Variants in THSD7B observed in about 807,000 individuals in gnomAD.
THSD7B encodes thrombospondin type-1 domain-containing protein 7B.
THSD7B carries 138 observed loss-of-function variants against 213.6 expected under a neutral mutation model. The ratio of observed to expected loss-of-function variants is 0.65; its 90% CI spans 0.56 to 0.74. The LOEUF is 0.74. Among genes scored for constraint, THSD7B ranks in the 30% least tolerant of loss-of-function variants. THSD7B has a pLI of 0.00. For missense variants in THSD7B, 1,931 were observed against 1,991.5 expected, an observed-to-expected ratio of 0.97 and a Z score of 0.58; for synonymous variants, 742 against 687.0, an observed-to-expected ratio of 1.08 and a Z score of -1.25.
intron 3 of THSD7B, among the ~76,000 whole-genome samples, chr2:137,065,172 G>A (rs1358731765): frequency 1.3e-5 from 2 of 151,676 alleles, no homozygotes; most frequent in Non-Finnish European, 2.9e-5. Flanking sequence ...TCCATTTTTT[G>A]TGCCCTCTTC....
intron 1 of THSD7B, among the ~76,000 whole-genome samples, chr2:136,811,339 C>A (rs2104930339): frequency 6.6e-6 from 1 of 152,186 alleles, no homozygotes; most frequent in East Asian, 1.9e-4. Flanking sequence ...AGAATAAATT[C>A]ACAGCACATG....
intron 7 of THSD7B, among the ~76,000 whole-genome samples, chr2:137,201,303 T>C (rs1030572032): frequency 5.3e-5 from 8 of 152,126 alleles, no homozygotes; most frequent in Non-Finnish European, 1.0e-4. Flanking sequence ...ACGCACCACA[T>C]TTTCATTATC....
In THSD7B at chr2:137,563,320, C is replaced by A. The variant is rs1431031275; in HGVS notation, c.3238C>A (p.Arg1080Ser). The A allele has an allele frequency of 1.2e-5, 19 of 1,613,176 alleles. No homozygotes were observed. The highest frequency in any genetic ancestry group is 1.6e-5 in the Non-Finnish European group (19 of 1,179,544). Residue 1080 changes from arginine to serine, a missense_variant, in exon 16 of 28, where the codon CGC becomes AGC. Arg to Ser is a moderately radical substitution (Grantham distance 110, BLOSUM62 -1). Coordinates refer to ENST00000409968, the MANE Select transcript of THSD7B (RefSeq NM_001316349.2). Reference protein sequence around the residue: ...CKINNELRSLRCGGGTQSRKI... With the variant: ...CKINNELRSLSCGGGTQSRKI... The stretch of plus-strand genomic sequence containing the variant: ...AATCAACAATGAGCTGAGGTCCCTG[C>A]GCTGTGGAGGAGGAACACAATCTAG...
At chr2:137,323,665 G>A (rs934427580) in intron 12 of THSD7B, among the ~76,000 whole-genome samples, 7 of 152,168 alleles carry the variant, frequency 4.6e-5, no homozygotes, top group African/African-American at 1.7e-4. Flanking sequence ...GACTAAGTGA[G>A]TGTTTAGTCT....
At chr2:136,965,865 A>G (rs1685305185) in intron 2 of THSD7B, among the ~76,000 whole-genome samples, 1 of 151,992 alleles carries the variant, frequency 6.6e-6, no homozygotes, top group African/African-American at 2.4e-5. Context: ...CCCACGTGGT[A>G]GGTGCTTAAT....
At chr2:137,120,699 C>A (rs1320844958) in intron 5 of THSD7B, among the ~76,000 whole-genome samples, 1 of 152,188 alleles carries the variant, frequency 6.6e-6, no homozygotes, top group Admixed American at 6.5e-5. Context: ...GGATCCTAGA[C>A]TCACAGATGC....
At chr2:137,369,282 A>G (rs374130563) in intron 12 of THSD7B, among the ~76,000 whole-genome samples, 145 of 152,250 alleles carry the variant, frequency 9.5e-4, no homozygotes, top group African/African-American at 3.3e-3. Context: ...GGCTGAGAAT[A>G]AAATGAGATT....
chr2:137,287,250 A>AT (rs920192041), intron 12 of THSD7B, among the ~76,000 whole-genome samples: 2 of 152,152 alleles, frequency 1.3e-5, no homozygotes, highest in African/African-American at 2.4e-5. Flanking sequence ...AAATATTATG[A>AT]TTTTTAAGTG....
At chr2:137,312,626 T>A (rs1327154766) in intron 12 of THSD7B, among the ~76,000 whole-genome samples, 1 of 151,086 alleles carries the variant, frequency 6.6e-6, no homozygotes, top group Non-Finnish European at 1.5e-5. Flanking sequence ...TCTTTCCTGC[T>A]TTCTCTTGTG....
At chr2:137,318,523 C>T (rs529162531) in intron 12 of THSD7B, among the ~76,000 whole-genome samples, 2 of 152,188 alleles carry the variant, frequency 1.3e-5, no homozygotes, top group Non-Finnish European at 2.9e-5. Context: ...TACCCTCACT[C>T]CCCCGCCCCC....
intron 2 of THSD7B, among the ~76,000 whole-genome samples, chr2:137,040,359 C>A (rs1251943480): frequency 6.6e-6 from 1 of 151,316 alleles, no homozygotes; most frequent in African/African-American, 2.4e-5. Context: ...AGCTATATTT[C>A]TTTTTCTTCT....
At chr2:137,401,964 TA>T (rs1686377203) in intron 12 of THSD7B, among the ~76,000 whole-genome samples, 1 of 152,184 alleles carries the variant, frequency 6.6e-6, no homozygotes, top group African/African-American at 2.4e-5. Flanking sequence ...ATTTTCTCCT[TA>T]CCTTTATTCT....
intron 20 of THSD7B, among the ~76,000 whole-genome samples, chr2:137,628,782 GCTGCCCCACTGTCTCCATCACCTTGTA>G (rs529517579): frequency 8.9e-4 from 135 of 152,208 alleles, no homozygotes; most frequent in African/African-American, 3.0e-3. Context: ...TCTCACCTGT[GCTGCCCCACTGTCTCCATCACCTTGTA>G]CTGCCCCACT....
chr2:137,362,108 C>T (rs1352173643), intron 12 of THSD7B, among the ~76,000 whole-genome samples: 1 of 152,068 alleles, frequency 6.6e-6, no homozygotes, highest in Non-Finnish European at 1.5e-5. Flanking sequence ...AATTTTCAAC[C>T]CAGAATTTCA....
At chr2:137,124,139 C>T (rs990081219) in intron 5 of THSD7B, among the ~76,000 whole-genome samples, 1 of 152,116 alleles carries the variant, frequency 6.6e-6, no homozygotes, top group Non-Finnish European at 1.5e-5. Flanking sequence ...TTTGGAAAAC[C>T]ACGCTGAGAC....
At position 137,666,537 on chromosome 2, in the gene THSD7B, TC is replaced by T. The variant is rs66990282; in HGVS notation, c.4652-1228del. On this transcript the variant is annotated intron_variant, in intron 26 of 27. Coordinates refer to ENST00000409968, the MANE Select transcript of THSD7B (RefSeq NM_001316349.2). ...TGTTTACAATAGATTTTGATTGATT[TC>T]CCCCCCCCATAGAAGCTTTTCAAAT... Among the ~76,000 whole-genome samples, 594 of 145,912 alleles carry T rather than the reference TC, an allele frequency of 4.1e-3. 5 individuals are homozygous for T. In the Middle Eastern group the frequency reaches 0.043, roughly 11 times the overall value.
At chr2:137,156,604 A>G (rs1361262375) in intron 5 of THSD7B, among the ~76,000 whole-genome samples, 1 of 152,146 alleles carries the variant, frequency 6.6e-6, no homozygotes, top group Non-Finnish European at 1.5e-5. Context: ...AGGGGACTTA[A>G]CCTCACAACC....
At chr2:137,267,493 T>C (rs1161181057) in intron 10 of THSD7B, among the ~76,000 whole-genome samples, 2 of 151,876 alleles carry the variant, frequency 1.3e-5, no homozygotes, top group African/African-American at 4.8e-5. Context: ...TGATGTAGAC[T>C]ACCTCCCCCC....
In THSD7B at chr2:137,355,888, C is replaced by T. The variant is rs534330485; in HGVS notation, c.2501-49725C>T. Among the ~76,000 whole-genome samples, 28 of 152,268 alleles carry T rather than the reference C, an allele frequency of 1.8e-4. 1 individual carries two copies. Among genetic ancestry groups the T allele is most frequent in the South Asian group, 6.2e-4 (3 of 4,824 alleles). On this transcript the variant is annotated intron_variant, in intron 12 of 27. Transcript: ENST00000409968. ...TGAGCGCTCTGTAAAGCTAGGCTAA[C>T]GCTATGCTTCTTTGCCCATCTGCCT...
Sources: allele counts gnomAD v4.1 joint callset (sites outside exome capture counted in the v4.1 genomes callset), GRCh38; gene constraint gnomAD v4.1.1; transcripts MANE v1.5; gene names NCBI Gene and HGNC (gene_info 2026-07-23, HGNC 2026-07-21).